PPP4C: variants seen among roughly 807,000 people sequenced by gnomAD.
PPP4C encodes the protein protein phosphatase 4 catalytic subunit.
Under a neutral mutation model 40.5 loss-of-function variants are expected in PPP4C, and 10 were observed. That is an observed-to-expected ratio of 0.25 (90% CI 0.15 to 0.42). PPP4C has a LOEUF of 0.42. PPP4C is among the 10% of genes least tolerant of loss of function. The pLI is 1.00. For synonymous variants in PPP4C, 187 were observed against 163.6 expected, an observed-to-expected ratio of 1.14 and a Z score of -1.09; for missense variants, 191 against 416.4, an observed-to-expected ratio of 0.46 and a Z score of 4.71.
At position 30,085,007 on chromosome 16, in the gene PPP4C, C is replaced by T; in HGVS notation, c.869C>T (p.Pro290Leu). 1.2e-6 allele frequency: 2 copies of T among 1,614,178 alleles called. No individual in the cohort carries two copies. The highest frequency in any genetic ancestry group is 1.7e-6 in the Non-Finnish European group (2 of 1,180,030). ...QKDFIIFEAA[P>L]QETRGIPSKK... ...GATTTCATCATCTTTGAGGCTGCTC[C>T]CCAAGAGACACGGGGCATCCCCTCC... is the stretch of plus-strand genomic sequence containing the variant. The change falls in exon 9 of 9, where the codon CCC (proline) becomes CTC (leucine). Residue 290 changes from proline to leucine, a missense_variant. Physicochemically the swap from Pro to Leu is moderately conservative, Grantham distance 98. Around this residue, in one of 3 missense-constraint regions of PPP4C, gnomAD observed 20 missense variants for 41.0 expected, o/e 0.49. Coordinates refer to ENST00000279387, the MANE Select transcript of PPP4C (RefSeq NM_002720.3).
At chr16:30,077,298 T>TGA (rs2072420722) in intron 2 of PPP4C, among the ~76,000 whole-genome samples, 1 of 152,206 alleles carries the variant, frequency 6.6e-6, no homozygotes, top group Non-Finnish European at 1.5e-5. Context: ...TTCAGTGAGT[T>TGA]GGTGCTGGAG....
chr16:30,078,463 C>T (rs2072444278), intron 2 of PPP4C, among the ~76,000 whole-genome samples: 1 of 152,154 alleles, frequency 6.6e-6, no homozygotes, highest in Non-Finnish European at 1.5e-5. Context: ...GGTGGAGGGT[C>T]CTGCCCAGTT....
chr16:30,076,360 C>A lies in PPP4C; in HGVS notation c.-18C>A. On this transcript the variant is annotated 5_prime_UTR_variant, in exon 2 of 9. Transcript: ENST00000279387. ...AGGGGGCGGCGGCCCCGACTCTGAC[C>A]CGCGCCGGGGGTGGGCCATGGCGGA... 6.2e-7 allele frequency: 1 copy of A among 1,611,650 alleles called. No homozygotes were observed. Among genetic ancestry groups the A allele is most frequent in the African/African-American group, 1.3e-5 (1 of 75,028 alleles).
chr16:30,080,756 T>C (rs959111764), intron 2 of PPP4C, among the ~76,000 whole-genome samples: 1 of 152,126 alleles, frequency 6.6e-6, no homozygotes, highest in African/African-American at 2.4e-5. Context: ...CTGCCCACCC[T>C]GGCATCCCAA....
rs1388779212 is a variant in PPP4C, at chr16:30,084,967, G to A, written c.829G>A (p.Glu277Lys). Residue 277 changes from glutamate to lysine, a missense_variant, in exon 9 of 9, where the codon GAG becomes AAG. Physicochemically the swap from Glu to Lys is moderately conservative, Grantham distance 56. Transcript: ENST00000279387. ...GNVAAILELD[E>K]HLQKDFIIFE... is the part of the protein sequence containing the mutation. ...TGTGGCAGCCATCTTGGAGCTGGAC[G>A]AGCATCTCCAGAAAGATTTCATCAT... The A allele has an allele frequency of 3.1e-6, 5 of 1,614,164 alleles. No individual in the cohort carries two copies. The highest frequency in any genetic ancestry group is 1.3e-5 in the African/African-American group (1 of 75,056).
Position 30,076,317 on chromosome 16 carries a change from G to C in PPP4C, c.-61G>C. Reference sequence around the variant, plus strand: ...GGGCTCGTCTTGGCCTTTCCCAGGAGACCCCTGTGCGGTGCGGAGGGGGCG... The same window carrying C: ...GGGCTCGTCTTGGCCTTTCCCAGGACACCCCTGTGCGGTGCGGAGGGGGCG... On this transcript the variant is annotated splice_region_variant and 5_prime_UTR_variant, in exon 2 of 9. Transcript: ENST00000279387. 6.5e-7 allele frequency: 1 copy of C among 1,545,676 alleles called. No homozygotes were observed. The highest frequency in any genetic ancestry group is 8.9e-7 in the Non-Finnish European group (1 of 1,127,956).
At chr16:30,076,563 G>T in intron 2 of PPP4C, 88 bp downstream of exon 2, 2 of 1,349,674 alleles carry the variant, frequency 1.5e-6, no homozygotes, top group South Asian at 2.5e-5. Context: ...CTTTGGGCTT[G>T]CCTCGTTCTG....
At position 30,084,760 on chromosome 16, in the gene PPP4C, G is replaced by C; in HGVS notation, c.699G>C (p.Met233Ile). 1.9e-6 allele frequency: 3 copies of C among 1,614,270 alleles called. No homozygotes were observed. Among genetic ancestry groups the C allele is most frequent in the Non-Finnish European group, 2.5e-6 (3 of 1,180,054 alleles). ...AQFNAANDID[M>I]ICRAHQLVME... The stretch of plus-strand genomic sequence containing the variant: ...TCAACGCAGCCAATGACATTGACAT[G>C]ATCTGCCGTGCCCACCAACTGGTGA... Residue 233 changes from methionine (M) to isoleucine (I), a missense_variant, in exon 8 of 9, where the codon ATG (methionine) becomes ATC (isoleucine). Met to Ile is a conservative substitution (Grantham distance 10). Coordinates refer to ENST00000279387, the MANE Select transcript of PPP4C (RefSeq NM_002720.3).
At chr16:30,078,894 C>T (rs995800819) in intron 2 of PPP4C, among the ~76,000 whole-genome samples, 1 of 152,210 alleles carries the variant, frequency 6.6e-6, no homozygotes, top group Non-Finnish European at 1.5e-5. Context: ...CGCTGGTAGC[C>T]GTTACTGCAG....
At chr16:30,078,498 C>T (rs1480666462) in intron 2 of PPP4C, among the ~76,000 whole-genome samples, 1 of 152,180 alleles carries the variant, frequency 6.6e-6, no homozygotes, top group African/African-American at 2.4e-5. Context: ...CTAGGAGGTA[C>T]TAGGCCAAGG....
Position 30,085,023 on chromosome 16 carries a change from C to T in PPP4C, c.885C>T (p.Gly295=). The stretch of plus-strand genomic sequence containing the variant: ...AGGCTGCTCCCCAAGAGACACGGGG[C>T]ATCCCCTCCAAGAAGCCCGTGGCCG... ...IFEAAPQETR[G]IPSKKPVADY... Residue 295 remains glycine (G), a synonymous_variant, in exon 9 of 9, where the codon GGC becomes GGT. Transcript: ENST00000279387. The T allele has an allele frequency of 6.2e-7, 1 of 1,614,146 alleles. No individual in the cohort carries two copies. The highest frequency in any genetic ancestry group is 8.5e-7 in the Non-Finnish European group (1 of 1,180,038).
intron 1 of PPP4C, 98 bp downstream of exon 1, chr16:30,076,192 G>C (rs2072387635): frequency 1.6e-6 from 1 of 615,186 alleles, no homozygotes; most frequent in Admixed American, 3.0e-5. Flanking sequence ...TGGACGCCGG[G>C]GGGTCCTGGG....
At chr16:30,076,881 T>C (rs533642896) in intron 2 of PPP4C, among the ~76,000 whole-genome samples, 2 of 152,240 alleles carry the variant, frequency 1.3e-5, no homozygotes, top group South Asian at 2.1e-4. Flanking sequence ...AAAAGTCTTC[T>C]AATTACAACA....
chr16:30,083,684 C>G lies in PPP4C; in HGVS notation c.507C>G (p.Pro169=). ...KIFCVHGGLS[P]SIQTLDQIRT... ...TCTGCGTGCACGGGGGCCTCTCCCC[C>G]TCCATCCAGACCCTGGATCAGATTC... Residue 169 remains proline (P), a synonymous_variant, in exon 7 of 9, where the codon CCC becomes CCG. Transcript: ENST00000279387. The surrounding 1 kb of genome is among the most constrained non-coding windows in gnomAD (Gnocchi z 6.3). The G allele has an allele frequency of 6.2e-7, 1 of 1,614,234 alleles. No homozygotes were observed. The highest frequency in any genetic ancestry group is 2.2e-5 in the East Asian group (1 of 44,876).
At chr16:30,081,179 C>T in intron 2 of PPP4C, 80 bp from the exon 3 acceptor site, 1 of 1,601,144 alleles carries the variant, frequency 6.2e-7, no homozygotes, top group Middle Eastern at 1.8e-4. Flanking sequence ...TGCCTCATAT[C>T]CTCCCCTCCC....
chr16:30,079,622 T>C (rs2072466551), intron 2 of PPP4C, among the ~76,000 whole-genome samples: 1 of 152,206 alleles, frequency 6.6e-6, no homozygotes, highest in Non-Finnish European at 1.5e-5. Context: ...CGGGTACTGA[T>C]GTGGCCTCTT....
intron 2 of PPP4C, among the ~76,000 whole-genome samples, 177 bp downstream of exon 2, chr16:30,076,652 T>A (rs2072405644): frequency 6.6e-6 from 1 of 152,166 alleles, no homozygotes; most frequent in South Asian, 2.1e-4. Context: ...ACAGAGTGGA[T>A]AAAGACACTT....
rs1422389791 is a variant in PPP4C at position 30,076,012 on chromosome 16, G to GGCA, written c.-144_-143insAGC. ...CGGCGGGGCCGGAAGTAGGAGCGGC[G>GGCA]GCGGCGGCGGCGGCGGCGGTCGAAA... On this transcript the variant is annotated 5_prime_UTR_variant, in exon 1 of 9. Transcript: ENST00000279387. 6.5e-4 allele frequency: 233 copies of GGCA among 355,772 alleles called. No homozygotes were observed. The highest frequency in any genetic ancestry group is 4.8e-3 in the African/African-American group (208 of 43,052). The allele number at this position is 355,772 out of a possible 1,614,324, so 22.0% of individuals were successfully genotyped here. A position where few individuals can be genotyped will look rare whatever the true frequency, so the allele number is the denominator to read the frequency against.
intron 2 of PPP4C, among the ~76,000 whole-genome samples, chr16:30,079,015 C>G (rs2072455301): frequency 2.0e-5 from 3 of 151,978 alleles, no homozygotes; most frequent in African/African-American, 7.3e-5. Context: ...GGGGGCTTTG[C>G]AGAGAGCACG....
Sources: gnomAD v4.1 joint callset for allele counts (sites outside exome capture counted in the v4.1 genomes callset) on GRCh38, gnomAD v4.1.1 for gene constraint, gnomAD v4.1.1 regional missense constraint, Gnocchi (gnomAD v3.1) non-coding constraint, MANE v1.5 for transcripts, NCBI Gene and HGNC (gene_info 2026-07-23, HGNC 2026-07-21) for gene names.